Variants in ZFR2 observed in about 807,000 individuals in gnomAD.
ZFR2 encodes zinc finger RNA binding protein 2.
ZFR2 carries 104 observed loss-of-function variants against 105.7 expected under a neutral mutation model. The ratio of observed to expected loss-of-function variants is 0.98; its 90% CI spans 0.84 to 1.16. ZFR2 has a LOEUF of 1.16. Ranked by LOEUF, ZFR2 falls within the 50% of genes most tolerant of loss-of-function variation. The pLI, the probability that ZFR2 is intolerant of heterozygous loss-of-function variation, is 0.00. For missense variants in ZFR2, 1,425 were observed against 1,355.5 expected, an observed-to-expected ratio of 1.05 and a Z score of -0.80; for synonymous variants, 634 against 597.7, an observed-to-expected ratio of 1.06 and a Z score of -0.89.
chr19:3,852,219 G>A, intron 1 of ZFR2: 1 of 531,630 alleles, frequency 1.9e-6, no homozygotes, highest in Non-Finnish European at 3.4e-6. Context: ...GGCAATCCTG[G>A]CAGAGGTGGG....
In ZFR2 at chr19:3,813,479, C is replaced by T. The variant is rs1169287754; in HGVS notation, c.2242+341G>A. Reference sequence around the variant, plus strand: ...GTGACCCAGGGGAAATGGCTCAGACCTGTCCTTTGCCGCCAGGGCTGGTGT... The same window carrying T: ...GTGACCCAGGGGAAATGGCTCAGACTTGTCCTTTGCCGCCAGGGCTGGTGT... On this transcript the variant is annotated intron_variant, in intron 14 of 18. Coordinates refer to ENST00000262961, the MANE Select transcript of ZFR2 (RefSeq NM_015174.2). The surrounding 1 kb of genome is among the most constrained non-coding windows in gnomAD (Gnocchi z 4.4). 6.6e-6 allele frequency among the ~76,000 whole-genome samples: 1 copy of T among 152,208 alleles called. No homozygotes were observed. Among genetic ancestry groups the T allele is most frequent in the Non-Finnish European group, 1.5e-5 (1 of 68,036 alleles).
intron 8 of ZFR2, among the ~76,000 whole-genome samples, chr19:3,822,543 C>A (rs984276210): frequency 6.6e-6 from 1 of 151,018 alleles, no homozygotes; most frequent in Non-Finnish European, 1.5e-5. Flanking sequence ...CCCATCTCTA[C>A]AAAAAAAATA....
chr19:3,820,336 C>A (rs1466031402), intron 10 of ZFR2, 46 bp from the exon 11 acceptor site: 3 of 1,500,758 alleles, frequency 2.0e-6, no homozygotes, highest in African/African-American at 1.4e-5. Flanking sequence ...CAGCAGTGGC[C>A]CTAAGCTGGG....
chr19:3,844,011 T>TTTGG (rs2038161148), intron 1 of ZFR2, among the ~76,000 whole-genome samples: 1 of 1,478 alleles, frequency 6.8e-4, no homozygotes, highest in African/African-American at 2.6e-3. Context: ...GAAAGTAGGA[T>TTTGG]GTGGGGGGGG....
rs2037808960 is a variant in ZFR2 at position 3,814,941 on chromosome 19, G to A, written c.2104-983C>T. Among the ~76,000 whole-genome samples, 3 of 152,202 alleles carry A rather than the reference G, an allele frequency of 2.0e-5. No homozygotes were observed. In the South Asian group the frequency reaches 6.2e-4, roughly 32 times the overall value. ...TCTGCAGGTGCTGGTCATTCTATGG[G>A]GAACACTGTCTCCCCGACCAGGCAC... is the stretch of plus-strand genomic sequence containing the variant. On this transcript the variant is annotated intron_variant, in intron 13 of 18. Coordinates refer to ENST00000262961, the MANE Select transcript of ZFR2 (RefSeq NM_015174.2).
At position 3,834,771 on chromosome 19, in the gene ZFR2, A is replaced by T; in HGVS notation, c.264+2T>A. 1 of 1,611,462 alleles carries T rather than the reference A, an allele frequency of 6.2e-7. No homozygotes were observed. The highest frequency in any genetic ancestry group is 8.5e-7 in the Non-Finnish European group (1 of 1,179,758). ...ACGCTGGTCAAAGAAAGGACTGGAT[A>T]CCTGGTAGGTAGCCATGGTGGTGGC... On this transcript the variant is annotated splice_donor_variant, in intron 2 of 18. Transcript: ENST00000262961. LOFTEE classifies it high-confidence loss of function. The surrounding 1 kb of genome is among the most constrained non-coding windows in gnomAD (Gnocchi z 5.3).
chr19:3,831,124 C>T (rs544462858), intron 5 of ZFR2, among the ~76,000 whole-genome samples, 179 bp downstream of exon 5: 1 of 152,350 alleles, frequency 6.6e-6, no homozygotes, highest in South Asian at 2.1e-4. Flanking sequence ...TACACACTCA[C>T]ACTTGCACAC....
chr19:3,828,647 T>C (rs2037979299), intron 5 of ZFR2, among the ~76,000 whole-genome samples: 1 of 152,190 alleles, frequency 6.6e-6, no homozygotes, highest in South Asian at 2.1e-4. Context: ...TGATTGCGTC[T>C]GGGGAAGCGA....
chr19:3,808,490 G>A (rs1599217264), intron 17 of ZFR2, among the ~76,000 whole-genome samples: 1 of 152,388 alleles, frequency 6.6e-6, no homozygotes, highest in African/African-American at 2.4e-5. Context: ...TGTCCTCTGA[G>A]CTCCTGGCTG....
chr19:3,813,781 TGA>T lies in ZFR2; in HGVS notation c.2242+37_2242+38del. 1 of 1,607,828 alleles carries T rather than the reference TGA, an allele frequency of 6.2e-7. No individual in the cohort carries two copies. The highest frequency in any genetic ancestry group is 8.5e-7 in the Non-Finnish European group (1 of 1,176,812). ...GTGTGGGGAGCGCCCTGGGGAAGCG[TGA>T]GGGGGACAGTGGTTGGAAGGAAGGG... On this transcript the variant is annotated intron_variant, in intron 14 of 18. Transcript: ENST00000262961. This position sits in a 1 kb window ranked among gnomAD's most constrained non-coding sequence, Gnocchi z 4.4.
At chr19:3,814,255 A>C (rs1229209718) in intron 13 of ZFR2, among the ~76,000 whole-genome samples, 1 of 152,182 alleles carries the variant, frequency 6.6e-6, no homozygotes, top group African/African-American at 2.4e-5. Context: ...CAATCCAATA[A>C]AAAAATTGGT....
At chr19:3,810,667 CTG>C (rs1169790419) in intron 16 of ZFR2, 81 bp downstream of exon 16, 1 of 1,324,362 alleles carries the variant, frequency 7.6e-7, no homozygotes, top group Non-Finnish European at 1.0e-6. Flanking sequence ...GGGAAAAGGT[CTG>C]TCTCTCAGCC....
rs369220213 is a variant in ZFR2, at chr19:3,823,218, G to A, written c.1371+28C>T. ...ATGGGAAGGTCCTTCCCTGACCGGG[G>A]CACCAGGACTTGACAGCCTCGACTT... On this transcript the variant is annotated intron_variant, in intron 8 of 18. Coordinates refer to ENST00000262961, the MANE Select transcript of ZFR2 (RefSeq NM_015174.2). The surrounding 1 kb of genome is among the most constrained non-coding windows in gnomAD (Gnocchi z 5.4). The A allele has an allele frequency of 5.9e-5, 95 of 1,613,504 alleles. 1 individual carries two copies. The highest frequency in any genetic ancestry group is 7.7e-5 in the Non-Finnish European group (91 of 1,179,838).
In ZFR2 at chr19:3,866,599, C is replaced by T. The variant is rs529505077; in HGVS notation, c.53+2366G>A. Among the ~76,000 whole-genome samples, 26 of 152,300 alleles carry T rather than the reference C, an allele frequency of 1.7e-4. No homozygotes were observed. The South Asian group carries it at 5.4e-3, about 32-fold the overall frequency. On this transcript the variant is annotated intron_variant, in intron 1 of 18. Transcript: ENST00000262961. ...TGAACAACATAAACATTCAATTTCT[C>T]CTCTGGAAGGTAATTTTAATAGCAA... is the stretch of plus-strand genomic sequence containing the variant.
rs1457241336 is a variant in ZFR2 at position 3,820,864 on chromosome 19, C to CA, written c.1631+475dup. On this transcript the variant is annotated intron_variant, in intron 10 of 18. Transcript: ENST00000262961. ...CAGGGACACCGGGGGTCGGGGGACACAGGGACACTAGAGGTCGGGGGACAC... is the reference window on the plus strand; with the variant it reads ...CAGGGACACCGGGGGTCGGGGGACACAAGGGACACTAGAGGTCGGGGGACAC... 9.7e-4 allele frequency among the ~76,000 whole-genome samples: 118 copies of CA among 121,614 alleles called. 8 individuals carry two copies. Among genetic ancestry groups the CA allele is most frequent in the African/African-American group, 2.8e-3 (85 of 29,964 alleles). The allele number at this position is 121,614 out of a possible 152,430, so 79.8% of individuals were successfully genotyped here.
chr19:3,823,214 C>G lies in ZFR2; in HGVS notation c.1371+32G>C. 6.2e-7 allele frequency: 1 copy of G among 1,613,506 alleles called. No homozygotes were observed. Among genetic ancestry groups the G allele is most frequent in the Non-Finnish European group, 8.5e-7 (1 of 1,179,810 alleles). Reference sequence around the variant, plus strand: ...ATCCATGGGAAGGTCCTTCCCTGACCGGGGCACCAGGACTTGACAGCCTCG... The same window carrying G: ...ATCCATGGGAAGGTCCTTCCCTGACGGGGGCACCAGGACTTGACAGCCTCG... On this transcript the variant is annotated intron_variant, in intron 8 of 18. Transcript: ENST00000262961. The surrounding 1 kb of genome is among the most constrained non-coding windows in gnomAD (Gnocchi z 5.4).
rs1197176559 is a variant in ZFR2, at chr19:3,816,821, G to C, written c.1956C>G (p.Val652=). The change falls in exon 13 of 19, where the codon GTC becomes GTG. Residue 652 remains valine, a synonymous_variant. Coordinates refer to ENST00000262961, the MANE Select transcript of ZFR2 (RefSeq NM_015174.2). ...KRSSVAPQTR[V]LKGVMRVGIL... ...TGCCTACTCGCATGACGCCTTTCAGGACCCGAGTCTGGGGGGCAACGCTGC... is the reference window on the plus strand; with the variant it reads ...TGCCTACTCGCATGACGCCTTTCAGCACCCGAGTCTGGGGGGCAACGCTGC... The C allele has an allele frequency of 6.4e-7, 1 of 1,573,896 alleles. No individual in the cohort carries two copies. The highest frequency in any genetic ancestry group is 2.3e-5 in the East Asian group (1 of 42,642).
At chr19:3,815,096 T>C (rs932224628) in intron 13 of ZFR2, among the ~76,000 whole-genome samples, 6 of 152,122 alleles carry the variant, frequency 3.9e-5, no homozygotes, top group Non-Finnish European at 8.8e-5. Flanking sequence ...TTTTCTTTCT[T>C]TCTTTTTTTT....
At chr19:3,812,254 G>T (rs1237373166) in intron 14 of ZFR2, among the ~76,000 whole-genome samples, 1 of 151,666 alleles carries the variant, frequency 6.6e-6, no homozygotes, top group Non-Finnish European at 1.5e-5. Flanking sequence ...AAATTTTTTT[G>T]TTTTTTTTAT....
Sources: gnomAD v4.1 joint callset for allele counts (sites outside exome capture counted in the v4.1 genomes callset) on GRCh38, gnomAD v4.1.1 for gene constraint, Gnocchi (gnomAD v3.1) non-coding constraint, MANE v1.5 for transcripts, NCBI Gene and HGNC (gene_info 2026-07-23, HGNC 2026-07-21) for gene names.